Variants in MAP7 observed in about 807,000 individuals in gnomAD.
MAP7 encodes the protein microtubule associated protein 7.
A neutral mutation model predicts 94.8 loss-of-function variants in MAP7; 52 were observed. The ratio of observed to expected loss-of-function variants is 0.55; its 90% CI spans 0.44 to 0.69. The LOEUF is 0.69. Ranked by LOEUF, MAP7 falls within the 30% of genes least tolerant of loss-of-function variation. MAP7 has a pLI of 0.00. For synonymous variants in MAP7, 350 were observed against 357.0 expected (o/e 0.98, Z 0.22); for missense variants, 940 against 964.6 (o/e 0.97, Z 0.34).
At chr6:136,516,958 G>C (rs1393991707) in intron 1 of MAP7, among the ~76,000 whole-genome samples, 1 of 138,374 alleles carries the variant, frequency 7.2e-6, no homozygotes, top group Non-Finnish European at 1.5e-5. Context: ...CACATCAGAA[G>C]GAAAAAAAAA....
At position 136,362,457 on chromosome 6, in the gene MAP7, G is replaced by A; in HGVS notation, c.1519C>T (p.Leu507Phe). 1 of 1,613,822 alleles carries A rather than the reference G, an allele frequency of 6.2e-7. No individual in the cohort carries two copies. Among genetic ancestry groups the A allele is most frequent in the African/African-American group, 1.3e-5 (1 of 75,024 alleles). Residue 507 changes from leucine (L) to phenylalanine (F), a missense_variant, in exon 11 of 18, where the codon CTT becomes TTT. Coordinates refer to ENST00000354570, the MANE Select transcript of MAP7 (RefSeq NM_003980.6). ...EERERREQEE[L>F]ERQKREELAQ... Reference sequence around the variant, plus strand: ...GCAATGTCTCCCATTTACCTTTCAAGCTCTTCCTGCTCCCTCCTCTCCCTT... The same window carrying A: ...GCAATGTCTCCCATTTACCTTTCAAACTCTTCCTGCTCCCTCCTCTCCCTT...
At chr6:136,510,369 G>T (rs1016193275) in intron 1 of MAP7, among the ~76,000 whole-genome samples, 10 of 152,126 alleles carry the variant, frequency 6.6e-5, no homozygotes, top group African/African-American at 2.4e-4. Flanking sequence ...GCTATGAGGG[G>T]ACACTCCAGC....
intron 1 of MAP7, among the ~76,000 whole-genome samples, chr6:136,486,759 G>A (rs1814909894): frequency 6.6e-6 from 1 of 152,170 alleles, no homozygotes; most frequent in Non-Finnish European, 1.5e-5. Context: ...GTGCGGATCT[G>A]ATTGAACCAC....
At chr6:136,526,560 C>T in intron 1 of MAP7, 2 of 985,532 alleles carry the variant, frequency 2.0e-6, no homozygotes, top group Non-Finnish European at 1.2e-6. Flanking sequence ...TGAGAAGCGG[C>T]AGCTTGCAGG....
At chr6:136,422,717 C>T (rs1001611594) in intron 1 of MAP7, among the ~76,000 whole-genome samples, 14 of 152,186 alleles carry the variant, frequency 9.2e-5, no homozygotes, top group South Asian at 6.2e-4. Context: ...GGTTAAATTT[C>T]GTAAAATAAA....
intron 1 of MAP7, among the ~76,000 whole-genome samples, chr6:136,445,236 G>T (rs763345257): frequency 6.6e-6 from 1 of 152,148 alleles, no homozygotes; most frequent in Non-Finnish European, 1.5e-5. Flanking sequence ...CTTCCCTCCA[G>T]TAGGGAGAGA....
chr6:136,364,917 C>T (rs914232688), intron 10 of MAP7: 1 of 152,362 alleles, frequency 6.6e-6, no homozygotes, highest in Non-Finnish European at 1.5e-5. Context: ...AAATTCCTGA[C>T]CCAAGAATCC....
chr6:136,449,206 A>G (rs1800337724), intron 1 of MAP7, among the ~76,000 whole-genome samples: 1 of 152,054 alleles, frequency 6.6e-6, no homozygotes. Context: ...GAGGCAGGAG[A>G]ATGGCGTGAA....
intron 1 of MAP7, among the ~76,000 whole-genome samples, chr6:136,429,755 G>T (rs1027971630): frequency 6.6e-6 from 1 of 152,062 alleles, no homozygotes; most frequent in Non-Finnish European, 1.5e-5. Flanking sequence ...CAACCAAAAA[G>T]GCTTTTATCT....
At chr6:136,538,619 A>T (rs141750374) in intron 1 of MAP7, among the ~76,000 whole-genome samples, 1 of 152,024 alleles carries the variant, frequency 6.6e-6, no homozygotes, top group African/African-American at 2.4e-5. Context: ...CTCTACAAAA[A>T]GAGACAAAAA....
chr6:136,444,285 G>C (rs966295762), intron 1 of MAP7, among the ~76,000 whole-genome samples: 1 of 152,108 alleles, frequency 6.6e-6, no homozygotes, highest in Admixed American at 6.5e-5. Flanking sequence ...GAATCTCTAG[G>C]GTTGGGTCTG....
At chr6:136,444,586 G>A (rs1798778858) in intron 1 of MAP7, among the ~76,000 whole-genome samples, 2 of 152,222 alleles carry the variant, frequency 1.3e-5, no homozygotes, top group Non-Finnish European at 2.9e-5. Context: ...AATTTTCAGT[G>A]GTATAGAATA....
At chr6:136,479,260 C>T (rs1583028008) in intron 1 of MAP7, among the ~76,000 whole-genome samples, 1 of 152,180 alleles carries the variant, frequency 6.6e-6, no homozygotes, top group East Asian at 1.9e-4. Flanking sequence ...TAAAAAACCA[C>T]ATAATTATTT....
At chr6:136,479,031 G>C (rs1355537278) in intron 1 of MAP7, among the ~76,000 whole-genome samples, 1 of 134,022 alleles carries the variant, frequency 7.5e-6, no homozygotes, top group African/African-American at 2.8e-5. Context: ...AATGAAGAAA[G>C]AAAGAAAGAA....
At position 136,369,379 on chromosome 6, in the gene MAP7, G is replaced by A. The variant is rs532552704; in HGVS notation, c.877-2940C>T. On this transcript the variant is annotated intron_variant, in intron 8 of 17. Coordinates refer to ENST00000354570, the MANE Select transcript of MAP7 (RefSeq NM_003980.6). ...GCTTGAGGTCAGGAGTTCAAGACCA[G>A]CCTGGCCTACATGGCGAAACCCTCT... Among the ~76,000 whole-genome samples, 26 of 152,308 alleles carry A rather than the reference G, an allele frequency of 1.7e-4. No homozygotes were observed. In the South Asian group the frequency reaches 2.7e-3, roughly 16 times the overall value.
intron 2 of MAP7, among the ~76,000 whole-genome samples, chr6:136,412,184 A>G (rs993525435): frequency 5.9e-5 from 9 of 152,164 alleles, no homozygotes; most frequent in African/African-American, 2.2e-4. Context: ...TCAAGCTATG[A>G]GGTGTACTTT....
chr6:136,400,402 C>T (rs1048129709), intron 3 of MAP7, among the ~76,000 whole-genome samples: 6 of 140,024 alleles, frequency 4.3e-5, no homozygotes, highest in Non-Finnish European at 6.1e-5. Flanking sequence ...GGCAACAGGG[C>T]GAGACTCTGT....
intron 1 of MAP7, among the ~76,000 whole-genome samples, chr6:136,514,758 C>T (rs1019076015): frequency 5.3e-5 from 8 of 152,118 alleles, no homozygotes; most frequent in South Asian, 2.1e-4. Context: ...TATAAACAGA[C>T]GTGCTGTCAT....
At chr6:136,458,886 A>C (rs1282318564) in intron 1 of MAP7, among the ~76,000 whole-genome samples, 4 of 152,094 alleles carry the variant, frequency 2.6e-5, no homozygotes, top group African/African-American at 9.7e-5. Flanking sequence ...ACATACAATA[A>C]AAGCATAAAT....
Sources: gnomAD v4.1 joint callset for allele counts (sites outside exome capture counted in the v4.1 genomes callset) on GRCh38, gnomAD v4.1.1 for gene constraint, MANE v1.5 for transcripts, NCBI Gene and HGNC (gene_info 2026-07-23, HGNC 2026-07-21) for gene names.